ZNRF3: variants seen among roughly 807,000 people sequenced by gnomAD.
ZNRF3 encodes the protein E3 ubiquitin-protein ligase ZNRF3.
A neutral mutation model predicts 72.5 loss-of-function variants in ZNRF3; 23 were observed. The ratio of observed to expected loss-of-function variants is 0.32; its 90% CI spans 0.23 to 0.45. ZNRF3 has a LOEUF of 0.45. Among genes scored for constraint, ZNRF3 ranks in the 20% least tolerant of loss-of-function variants. ZNRF3 has a pLI of 1.00. For missense variants in ZNRF3, 1,169 were observed against 1,272.1 expected, an observed-to-expected ratio of 0.92 and a Z score of 1.23; for synonymous variants, 610 against 545.3, an observed-to-expected ratio of 1.12 and a Z score of -1.65.
chr22:28,918,838 A>G (rs1473020593), intron 1 of ZNRF3, among the ~76,000 whole-genome samples: 2 of 152,040 alleles, frequency 1.3e-5, no homozygotes, highest in Non-Finnish European at 2.9e-5. Context: ...ACAGCAGCCT[A>G]AAAGAACGCT....
intron 1 of ZNRF3, among the ~76,000 whole-genome samples, chr22:28,895,369 G>A (rs1452990038): frequency 6.6e-6 from 1 of 152,200 alleles, no homozygotes; most frequent in Non-Finnish European, 1.5e-5. Context: ...TGTTTGTGCT[G>A]AAGGGCACCT....
chr22:29,012,431 T>C (rs4140643), intron 2 of ZNRF3, among the ~76,000 whole-genome samples: 74,574 of 152,142 alleles, frequency 0.49, 18,639 homozygotes, highest in Non-Finnish European at 0.52. Flanking sequence ...GGGTGCACCA[T>C]TGACTTACCC....
intron 1 of ZNRF3, among the ~76,000 whole-genome samples, chr22:28,962,527 G>A (rs183771487): frequency 3.9e-5 from 6 of 152,284 alleles, no homozygotes; most frequent in African/African-American, 9.6e-5. Context: ...ACTGACTCTC[G>A]TAGAGGTGCT....
At chr22:29,002,860 T>C (rs1277790286) in intron 2 of ZNRF3, among the ~76,000 whole-genome samples, 1 of 152,194 alleles carries the variant, frequency 6.6e-6, no homozygotes, top group African/African-American at 2.4e-5. Context: ...TGGGAGCTGA[T>C]AGACAGGCGC....
intron 3 of ZNRF3, among the ~76,000 whole-genome samples, chr22:29,043,092 C>A (rs2036998234): frequency 6.6e-6 from 1 of 152,080 alleles, no homozygotes. Flanking sequence ...TTTTCTAAGA[C>A]CTTTCTGGGC....
Position 29,049,446 on chromosome 22 carries a change from TCCA to T in ZNRF3, c.1268_1270del (p.His423del). 6.2e-7 allele frequency: 1 copy of T among 1,600,892 alleles called. No individual in the cohort carries two copies. The highest frequency in any genetic ancestry group is 2.2e-5 in the East Asian group (1 of 44,698). ...GCCTACATCCGCAGCTACCCACCCCTCCACCTGGACCACAGCCTGGCCGCTCAC... is the reference window on the plus strand; with the variant it reads ...GCCTACATCCGCAGCTACCCACCCCTCCTGGACCACAGCCTGGCCGCTCAC... On this transcript the variant is annotated inframe_deletion, in exon 8 of 9. Transcript: ENST00000544604. This position sits in a 1 kb window ranked among gnomAD's most constrained non-coding sequence, Gnocchi z 5.2.
chr22:28,888,582 C>T (rs2033831288), intron 1 of ZNRF3, among the ~76,000 whole-genome samples: 1 of 152,120 alleles, frequency 6.6e-6, no homozygotes, highest in African/African-American at 2.4e-5. Flanking sequence ...TAGTACAATT[C>T]TGAATAGGAA....
intron 1 of ZNRF3, among the ~76,000 whole-genome samples, chr22:28,962,786 G>T (rs927337620): frequency 6.6e-6 from 1 of 152,194 alleles, no homozygotes; most frequent in African/African-American, 2.4e-5. Context: ...CTGTGTTGTG[G>T]TTGCTGGTCT....
At chr22:28,933,752 A>C (rs917730106) in intron 1 of ZNRF3, among the ~76,000 whole-genome samples, 4 of 40,840 alleles carry the variant, frequency 9.8e-5, no homozygotes, top group African/African-American at 3.8e-4. Flanking sequence ...ACACACACTC[A>C]CTCTCTCTCT....
intron 1 of ZNRF3, among the ~76,000 whole-genome samples, chr22:28,963,569 C>T (rs541797074): frequency 2.4e-4 from 37 of 152,300 alleles, no homozygotes; most frequent in Non-Finnish European, 2.8e-4. Context: ...ATAAGGGCCC[C>T]ATTCTCTCTG....
chr22:29,051,603 TAA>T (rs1212194016), intron 8 of ZNRF3, among the ~76,000 whole-genome samples: 25 of 105,004 alleles, frequency 2.4e-4, no homozygotes, highest in Admixed American at 3.1e-4. Flanking sequence ...GACTCTGTCT[TAA>T]AAAAAAAAAA....
chr22:29,034,735 C>T (rs1252151061), intron 2 of ZNRF3, among the ~76,000 whole-genome samples: 3 of 152,088 alleles, frequency 2.0e-5, no homozygotes, highest in Admixed American at 1.3e-4. Flanking sequence ...ACCCATTTGC[C>T]CTTGGAACTA....
intron 2 of ZNRF3, among the ~76,000 whole-genome samples, chr22:29,037,746 T>C (rs567728549): frequency 1.3e-4 from 20 of 152,346 alleles, no homozygotes; most frequent in African/African-American, 4.8e-4. Context: ...TTCAGCACTC[T>C]GCACTGGGTT....
intron 1 of ZNRF3, among the ~76,000 whole-genome samples, chr22:28,907,149 G>A (rs132537): frequency 0.7 from 102,973 of 146,924 alleles, 36,349 homozygotes; most frequent in Admixed American, 0.78. Flanking sequence ...CGCCCGTCCA[G>A]TTTTTTTTTT....
rs549061695 is a variant in ZNRF3 at position 28,953,105 on chromosome 22, G to C, written c.301-33971G>C. Among the ~76,000 whole-genome samples the C allele has an allele frequency of 5.9e-5, 9 of 152,250 alleles. No individual in the cohort carries two copies. In the East Asian group the frequency reaches 1.7e-3, roughly 29 times the overall value. On this transcript the variant is annotated intron_variant, in intron 1 of 8. Transcript: ENST00000544604. ...AGCCAGCATGTTGCATAACTGCAGGGGCCCCATTCATCTTAGAGTGTGGAT... is the reference window on the plus strand; with the variant it reads ...AGCCAGCATGTTGCATAACTGCAGGCGCCCCATTCATCTTAGAGTGTGGAT...
At chr22:28,944,945 A>C (rs948588143) in intron 1 of ZNRF3, among the ~76,000 whole-genome samples, 69 of 148,958 alleles carry the variant, frequency 4.6e-4, no homozygotes, top group South Asian at 1.5e-3. Flanking sequence ...AAATAAATAA[A>C]TAAATAAATA....
At chr22:29,000,550 A>G (rs1280605737) in intron 2 of ZNRF3, among the ~76,000 whole-genome samples, 1 of 152,196 alleles carries the variant, frequency 6.6e-6, no homozygotes. Flanking sequence ...ACCTAACTGT[A>G]AAGGTGTAGT....
intron 2 of ZNRF3, among the ~76,000 whole-genome samples, 181 bp from the exon 3 acceptor site, chr22:29,042,314 A>G (rs1159298715): frequency 6.6e-6 from 1 of 152,220 alleles, no homozygotes; most frequent in Non-Finnish European, 1.5e-5. Flanking sequence ...AACTCTAGTC[A>G]TCAGTCCCCT....
At chr22:28,988,651 G>A (rs1437133335) in intron 2 of ZNRF3, among the ~76,000 whole-genome samples, 1 of 152,184 alleles carries the variant, frequency 6.6e-6, no homozygotes, top group Non-Finnish European at 1.5e-5. Flanking sequence ...AGTGGTGGTA[G>A]GAGAGCAATG....
Sources: gnomAD v4.1 joint callset for allele counts (sites outside exome capture counted in the v4.1 genomes callset) on GRCh38, gnomAD v4.1.1 for gene constraint, Gnocchi (gnomAD v3.1) non-coding constraint, MANE v1.5 for transcripts, NCBI Gene and HGNC (gene_info 2026-07-23, HGNC 2026-07-21) for gene names.